LDLRAD3: variants seen among roughly 807,000 people sequenced by gnomAD.
LDLRAD3 encodes low density lipoprotein receptor class A domain containing 3.
In LDLRAD3, 20 loss-of-function variants were observed where a neutral mutation model predicts 29.4. The ratio of observed to expected loss-of-function variants is 0.68; its 90% CI spans 0.48 to 0.99. The LOEUF is 0.99. Among genes scored for constraint, LDLRAD3 ranks in the 50% least tolerant of loss-of-function variants. LDLRAD3 has a pLI of 0.00. For synonymous variants in LDLRAD3, 157 were observed against 192.7 expected (o/e 0.81, Z 1.53); for missense variants, 420 against 454.3 (o/e 0.92, Z 0.69).
chr11:36,215,575 G>A (rs1239047292), intron 4 of LDLRAD3, among the ~76,000 whole-genome samples: 1 of 152,170 alleles, frequency 6.6e-6, no homozygotes, highest in African/African-American at 2.4e-5. Context: ...TGCCTGCACT[G>A]GGACTGGAGC....
intron 4 of LDLRAD3, chr11:36,196,649 T>G (rs578117969): frequency 1.3e-5 from 2 of 152,350 alleles, no homozygotes; most frequent in Non-Finnish European, 2.9e-5. Flanking sequence ...TGTGAAAAAC[T>G]TAAATCAGGT....
intron 1 of LDLRAD3, among the ~76,000 whole-genome samples, chr11:35,976,890 G>A (rs1851483884): frequency 6.6e-6 from 1 of 152,182 alleles, no homozygotes; most frequent in Non-Finnish European, 1.5e-5. Flanking sequence ...ATGCATGCAT[G>A]TGTCTGTGTT....
chr11:36,066,435 C>G (rs1475036121), intron 2 of LDLRAD3, among the ~76,000 whole-genome samples: 1 of 152,174 alleles, frequency 6.6e-6, no homozygotes, highest in Non-Finnish European at 1.5e-5. Flanking sequence ...TTCCTCACCC[C>G]TCAAGATTTG....
At chr11:36,113,130 T>C (rs1181883820) in intron 4 of LDLRAD3, among the ~76,000 whole-genome samples, 1 of 152,206 alleles carries the variant, frequency 6.6e-6, no homozygotes, top group African/African-American at 2.4e-5. Flanking sequence ...TCTTCTATGA[T>C]TCTTTCTCAC....
intron 2 of LDLRAD3, among the ~76,000 whole-genome samples, chr11:36,047,600 C>A (rs2422124): frequency 0.031 from 4,753 of 152,224 alleles, 235 homozygotes; most frequent in Admixed American, 0.13. Flanking sequence ...CAGATAAATG[C>A]ACCATGTGTG....
At chr11:36,006,534 G>A (rs780815301) in intron 1 of LDLRAD3, among the ~76,000 whole-genome samples, 8 of 152,194 alleles carry the variant, frequency 5.3e-5, no homozygotes, top group Admixed American at 2.6e-4. Flanking sequence ...CCTTGGGCTC[G>A]CTGCCTCTCC....
chr11:36,043,870 C>T (rs969602332), intron 2 of LDLRAD3, among the ~76,000 whole-genome samples: 1 of 152,190 alleles, frequency 6.6e-6, no homozygotes, highest in African/African-American at 2.4e-5. Flanking sequence ...TGGTTTAAAG[C>T]TCTGTCCATT....
At chr11:36,055,081 G>A (rs2133227760) in intron 2 of LDLRAD3, among the ~76,000 whole-genome samples, 1 of 13,246 alleles carries the variant, frequency 7.5e-5, no homozygotes, top group Non-Finnish European at 1.4e-4. Flanking sequence ...ATAGATGGAT[G>A]GATGGATGGA....
chr11:36,080,339 CAATT>C (rs201959453), intron 2 of LDLRAD3, among the ~76,000 whole-genome samples: 314 of 152,314 alleles, frequency 2.1e-3, no homozygotes, highest in African/African-American at 5.9e-3. Context: ...GCAGGACACT[CAATT>C]AAGCCCAAGT....
intron 4 of LDLRAD3, among the ~76,000 whole-genome samples, chr11:36,159,515 A>G (rs1181764040): frequency 6.8e-6 from 1 of 146,724 alleles, no homozygotes; most frequent in African/African-American, 2.5e-5. Context: ...CTGTAATCCC[A>G]GGGGAAGCCA....
At chr11:36,139,074 C>A (rs1273447155) in intron 4 of LDLRAD3, among the ~76,000 whole-genome samples, 1 of 152,232 alleles carries the variant, frequency 6.6e-6, no homozygotes, top group Non-Finnish European at 1.5e-5. Flanking sequence ...CTGGAATGCT[C>A]TTCTCTCTTT....
At chr11:36,042,223 T>A (rs1196756088) in intron 2 of LDLRAD3, among the ~76,000 whole-genome samples, 1 of 152,166 alleles carries the variant, frequency 6.6e-6, no homozygotes, top group Non-Finnish European at 1.5e-5. Context: ...ATATTTTCTT[T>A]TAAACTTGCA....
intron 4 of LDLRAD3, among the ~76,000 whole-genome samples, chr11:36,212,760 G>A (rs1855300122): frequency 6.6e-6 from 1 of 152,080 alleles, no homozygotes. Context: ...AAAGAGCTCT[G>A]GGACTGCTGG....
intron 4 of LDLRAD3, among the ~76,000 whole-genome samples, chr11:36,145,044 C>T (rs1854159809): frequency 9.1e-6 from 1 of 109,410 alleles, no homozygotes; most frequent in Non-Finnish European, 2.0e-5. Flanking sequence ...CTCTGCCCGG[C>T]CGCCTCTACT....
chr11:36,132,132 G>A (rs2133306826), intron 4 of LDLRAD3, among the ~76,000 whole-genome samples: 1 of 151,986 alleles, frequency 6.6e-6, no homozygotes, highest in South Asian at 2.1e-4. Flanking sequence ...AGAACAGTGT[G>A]TCCCTTTGAA....
At chr11:36,212,097 A>G (rs1855290420) in intron 4 of LDLRAD3, among the ~76,000 whole-genome samples, 3 of 152,198 alleles carry the variant, frequency 2.0e-5, no homozygotes, top group Non-Finnish European at 2.9e-5. Context: ...TATTCAGCAA[A>G]TTCCAGAGGC....
chr11:36,200,910 G>A (rs553390352), intron 4 of LDLRAD3, among the ~76,000 whole-genome samples: 2 of 152,316 alleles, frequency 1.3e-5, no homozygotes, highest in African/African-American at 2.4e-5. Context: ...CATGATCAAT[G>A]TCTCCTTCCT....
chr11:36,180,965 G>A (rs1422145982), intron 4 of LDLRAD3, among the ~76,000 whole-genome samples: 2 of 152,130 alleles, frequency 1.3e-5, no homozygotes, highest in Non-Finnish European at 2.9e-5. Flanking sequence ...CAGAGATGGG[G>A]CAGGGGCACA....
At chr11:36,179,999 A>C (rs942874499) in intron 4 of LDLRAD3, among the ~76,000 whole-genome samples, 1 of 152,176 alleles carries the variant, frequency 6.6e-6, no homozygotes, top group East Asian at 1.9e-4. Context: ...TGTCTCAAAA[A>C]AATAAATAAT....
Sources: allele counts gnomAD v4.1 joint callset (sites outside exome capture counted in the v4.1 genomes callset), GRCh38; gene constraint gnomAD v4.1.1; transcripts MANE v1.5; gene names NCBI Gene and HGNC (gene_info 2026-07-23, HGNC 2026-07-21).